FBXO22: variants seen among roughly 807,000 people sequenced by gnomAD.
The protein encoded by FBXO22 is F-box protein 22.
FBXO22 carries 13 observed loss-of-function variants against 37.2 expected under a neutral mutation model. The ratio of observed to expected loss-of-function variants is 0.35; its 90% CI spans 0.23 to 0.56. The LOEUF is 0.56. FBXO22 is among the 20% of genes least tolerant of loss of function. The pLI is 0.87. For synonymous variants in FBXO22, 189 were observed against 189.1 expected, an observed-to-expected ratio of 1.00 and a Z score of 0.00; for missense variants, 446 against 509.9, an observed-to-expected ratio of 0.87 and a Z score of 1.21.
chr15:75,911,069 G>A (rs1567051871), intron 2 of FBXO22, among the ~76,000 whole-genome samples: 1 of 152,168 alleles, frequency 6.6e-6, no homozygotes. Flanking sequence ...AGATCAGATC[G>A]TTGTAGATGT....
At position 75,904,099 on chromosome 15, in the gene FBXO22, G is replaced by A; in HGVS notation, c.136G>A (p.Ala46Thr). The A allele has an allele frequency of 3.2e-6, 5 of 1,543,824 alleles. No individual in the cohort carries two copies. Among genetic ancestry groups the A allele is most frequent in the Non-Finnish European group, 4.4e-6 (5 of 1,142,630 alleles). ...FLPAKALLRV[A>T]CVCRLWRECV... is the part of the protein sequence containing the mutation. Reference sequence around the variant, plus strand: ...GCCCGCCAAGGCGTTGCTGCGGGTGGCCTGGTGAGGAGAGGAGGCGGAGGC... The same window carrying A: ...GCCCGCCAAGGCGTTGCTGCGGGTGACCTGGTGAGGAGAGGAGGCGGAGGC... Residue 46 changes from alanine to threonine, a missense_variant, in exon 1 of 7, where the codon GCC (alanine) becomes ACC (threonine). This residue lies in a region of FBXO22 where 131 missense variants were observed against 99.8 expected (regional missense o/e 1.31). Coordinates refer to ENST00000308275, the MANE Select transcript of FBXO22 (RefSeq NM_147188.3).
Position 75,938,898 on chromosome 15 carries a change from A to C in FBXO22, c.*5796A>C, listed in dbSNP as rs2030654308. ...CAACCAATGGGTCAAAGAAGAAATC[A>C]CAAGGGAAATTAAAAAGAGAAAAAT... On this transcript the variant is annotated 3_prime_UTR_variant, in exon 7 of 7. Transcript: ENST00000308275. 1 of 152,208 alleles carries C rather than the reference A, an allele frequency of 6.6e-6. No homozygotes were observed. Among genetic ancestry groups the C allele is most frequent in the African/African-American group, 2.4e-5 (1 of 41,456 alleles). The allele number at this position is 152,208 out of a possible 1,614,324, so 9.4% of individuals were successfully genotyped here. A position where few individuals can be genotyped will look rare whatever the true frequency, so the allele number is the denominator to read the frequency against.
intron 2 of FBXO22, among the ~76,000 whole-genome samples, chr15:75,909,479 G>A (rs1033180454): frequency 6.6e-6 from 1 of 152,304 alleles, no homozygotes; most frequent in Admixed American, 6.5e-5. Flanking sequence ...CAGTGAAAAG[G>A]GAGTGATACA....
chr15:75,915,885 G>A (rs1379486398), intron 4 of FBXO22, among the ~76,000 whole-genome samples: 1 of 148,482 alleles, frequency 6.7e-6, no homozygotes, highest in Non-Finnish European at 1.5e-5. Flanking sequence ...GGATGATAGA[G>A]CAAGACTCTG....
rs1278205906 is a variant in FBXO22 at position 75,933,154 on chromosome 15, A to C, written c.*52A>C. 6.7e-7 allele frequency: 1 copy of C among 1,484,734 alleles called. No homozygotes were observed. 92.0% of individuals were successfully genotyped at this position (1,484,734 alleles called of 1,614,324 possible). ...AACTTTTGGGTTCTGCCTTTTTCAG[A>C]AAATGGAAACTTGGGCCATGTGTAT... is the stretch of plus-strand genomic sequence containing the variant. On this transcript the variant is annotated 3_prime_UTR_variant, in exon 7 of 7. Transcript: ENST00000308275.
At chr15:75,924,821 G>T (rs575068756) in intron 5 of FBXO22, among the ~76,000 whole-genome samples, 1 of 152,304 alleles carries the variant, frequency 6.6e-6, no homozygotes, top group South Asian at 2.1e-4. Flanking sequence ...GAGAATGCTT[G>T]AGGTGGTTAG....
At chr15:75,924,993 G>A (rs1295685492) in intron 5 of FBXO22, among the ~76,000 whole-genome samples, 4 of 152,174 alleles carry the variant, frequency 2.6e-5, no homozygotes, top group Non-Finnish European at 5.9e-5. Flanking sequence ...AGTCCCATTA[G>A]AAAAGCTTTC....
At chr15:75,904,701 T>TA in intron 2 of FBXO22, 72 bp downstream of exon 2, 1 of 1,447,264 alleles carries the variant, frequency 6.9e-7, no homozygotes. Flanking sequence ...TATTTTTTTT[T>TA]AAATCCCAGT....
At chr15:75,905,921 C>T (rs1196065591) in intron 2 of FBXO22, among the ~76,000 whole-genome samples, 2 of 152,202 alleles carry the variant, frequency 1.3e-5, no homozygotes, top group Non-Finnish European at 2.9e-5. Context: ...AGTGTCTTCA[C>T]TAAAATCACT....
At chr15:75,915,793 A>G (rs1900168660) in intron 4 of FBXO22, among the ~76,000 whole-genome samples, 1 of 151,858 alleles carries the variant, frequency 6.6e-6, no homozygotes, top group African/African-American at 2.4e-5. Context: ...CCAGCTGCTC[A>G]GGAGGCTAAG....
intron 6 of FBXO22, 120 bp downstream of exon 6, chr15:75,930,169 TC>T (rs2029964095): frequency 6.5e-7 from 1 of 1,538,860 alleles, no homozygotes; most frequent in East Asian, 2.4e-5. Flanking sequence ...AATAGTTCAT[TC>T]CATTTTGTAG....
rs994610322 is a variant in FBXO22 at position 75,933,317 on chromosome 15, A to C, written c.*215A>C. ...CTGACTAGGAGTTGAGAGCTTTTGC[A>C]TCAGGCAGAAGCAAACTGATTATAG... On this transcript the variant is annotated 3_prime_UTR_variant, in exon 7 of 7. Transcript: ENST00000308275. The C allele has an allele frequency of 4.4e-5, 22 of 504,460 alleles. No individual in the cohort carries two copies. Among genetic ancestry groups the C allele is most frequent in the African/African-American group, 4.3e-4 (22 of 51,480 alleles). The allele number at this position is 504,460 out of a possible 1,614,324, so 31.2% of individuals were successfully genotyped here.
Position 75,938,896 on chromosome 15 carries a change from T to C in FBXO22, c.*5794T>C, listed in dbSNP as rs1450632219. ...CTCAACCAATGGGTCAAAGAAGAAATCACAAGGGAAATTAAAAAGAGAAAA... is the reference window on the plus strand; with the variant it reads ...CTCAACCAATGGGTCAAAGAAGAAACCACAAGGGAAATTAAAAAGAGAAAA... On this transcript the variant is annotated 3_prime_UTR_variant, in exon 7 of 7. Coordinates refer to ENST00000308275, the MANE Select transcript of FBXO22 (RefSeq NM_147188.3). The C allele has an allele frequency of 6.6e-6, 1 of 151,686 alleles. No individual in the cohort carries two copies. The highest frequency in any genetic ancestry group is 1.5e-5 in the Non-Finnish European group (1 of 67,902). 9.4% of individuals were successfully genotyped at this position (151,686 alleles called of 1,614,324 possible). A position where few individuals can be genotyped will look rare whatever the true frequency, so the allele number is the denominator to read the frequency against.
intron 1 of FBXO22, 32 bp from the exon 2 acceptor site, chr15:75,904,459 G>A (rs1385829093): frequency 2.5e-6 from 4 of 1,612,820 alleles, no homozygotes; most frequent in Non-Finnish European, 3.4e-6. Context: ...ATGAACGTCC[G>A]TTCGCAATCC....
At chr15:75,914,086 C>A in intron 3 of FBXO22, 24 bp from the exon 4 acceptor site, 1 of 1,521,710 alleles carries the variant, frequency 6.6e-7, no homozygotes, top group Non-Finnish European at 9.0e-7. Context: ...TGATATTTAT[C>A]ATTTTGCTAC....
intron 5 of FBXO22, among the ~76,000 whole-genome samples, chr15:75,921,778 T>C (rs1900330326): frequency 6.6e-6 from 1 of 152,222 alleles, no homozygotes; most frequent in Admixed American, 6.5e-5. Flanking sequence ...TTTTAACTTT[T>C]TAAGCTTTTT....
chr15:75,920,193 G>A (rs1900286959), intron 5 of FBXO22, among the ~76,000 whole-genome samples: 1 of 152,162 alleles, frequency 6.6e-6, no homozygotes, highest in Non-Finnish European at 1.5e-5. Flanking sequence ...ACTTGATATT[G>A]GTAGGCTAGC....
At chr15:75,907,211 T>G (rs972286493) in intron 2 of FBXO22, among the ~76,000 whole-genome samples, 1 of 152,202 alleles carries the variant, frequency 6.6e-6, no homozygotes, top group Non-Finnish European at 1.5e-5. Context: ...GCGGTGTGAC[T>G]TTGAAAAAGC....
intron 2 of FBXO22, among the ~76,000 whole-genome samples, 157 bp downstream of exon 2, chr15:75,904,786 ATG>A (rs2141699314): frequency 6.7e-6 from 1 of 148,740 alleles, no homozygotes; most frequent in Admixed American, 6.7e-5. Flanking sequence ...CACGGTAAGG[ATG>A]TGTCATGATT....
Sources: gnomAD v4.1 joint callset for allele counts (sites outside exome capture counted in the v4.1 genomes callset) on GRCh38, gnomAD v4.1.1 for gene constraint, gnomAD v4.1.1 regional missense constraint, MANE v1.5 for transcripts, NCBI Gene and HGNC (gene_info 2026-07-23, HGNC 2026-07-21) for gene names.